Variants in KLHL42 observed in about 807,000 individuals in gnomAD.
KLHL42 encodes the protein kelch like family member 42.
In KLHL42, 27 loss-of-function variants were observed where a neutral mutation model predicts 32.7. That is an observed-to-expected ratio of 0.83 (90% confidence interval 0.61 to 1.14). The LOEUF (loss-of-function observed/expected upper bound fraction) is 1.14, where lower values mean the gene tolerates loss of function less well. Among genes scored for constraint, KLHL42 ranks in the 50% most tolerant of loss-of-function variants. The pLI is 0.00. For synonymous variants in KLHL42, 267 were observed against 248.2 expected (o/e 1.08, Z -0.71); for missense variants, 491 against 560.8 (o/e 0.88, Z 1.26).
intron 1 of KLHL42, among the ~76,000 whole-genome samples, chr12:27,782,126 A>G (rs775372979): frequency 5.3e-5 from 8 of 152,164 alleles, no homozygotes; most frequent in African/African-American, 1.2e-4. Context: ...TTCCATCTCA[A>G]TCCTCACAGG....
At position 27,791,734 on chromosome 12, in the gene KLHL42, A is replaced by G. The variant is rs774533595; in HGVS notation, c.899A>G (p.Asn300Ser). 2.6e-5 allele frequency: 42 copies of G among 1,614,062 alleles called. No homozygotes were observed. Among genetic ancestry groups the G allele is most frequent in the Non-Finnish European group, 3.5e-5 (41 of 1,180,006 alleles). ...TCTAACTTCAAACTTGTGGCTGTTA[A>G]TTCAAAACTCTATGCCATCGGAGGG... Reference protein sequence around the residue: ...KRSNFKLVAVNSKLYAIGGQA... With the variant: ...KRSNFKLVAVSSKLYAIGGQA... Residue 300 changes from asparagine to serine, a missense_variant, in exon 2 of 3, where the codon AAT (asparagine) becomes AGT (serine). Physicochemically the swap from Asn to Ser is conservative, Grantham distance 46 (BLOSUM62 1). Around this residue, in one of 4 missense-constraint regions of KLHL42, gnomAD observed 248 missense variants for 329.2 expected, o/e 0.75. Coordinates refer to ENST00000381271, the MANE Select transcript of KLHL42 (RefSeq NM_020782.2).
At chr12:27,787,419 C>T (rs137867364) in intron 1 of KLHL42, among the ~76,000 whole-genome samples, 467 of 150,072 alleles carry the variant, frequency 3.1e-3, no homozygotes, top group African/African-American at 9.9e-3. Flanking sequence ...CGCTTGAAAC[C>T]GGGATGGGGA....
Position 27,799,274 on chromosome 12 carries a change from C to T in KLHL42, c.*1108C>T, listed in dbSNP as rs1265711265. 1 of 152,086 alleles carries T rather than the reference C, an allele frequency of 6.6e-6. No individual in the cohort carries two copies. Among genetic ancestry groups the T allele is most frequent in the Admixed American group, 6.6e-5 (1 of 15,262 alleles). 9.4% of individuals were successfully genotyped at this position (152,086 alleles called of 1,614,324 possible). ...GAAGTTAGGTAAAGTGCTTTACTTG[C>T]CTTGGTTGTTAATTGAAATAGAATT... On this transcript the variant is annotated 3_prime_UTR_variant, in exon 3 of 3. Coordinates refer to ENST00000381271, the MANE Select transcript of KLHL42 (RefSeq NM_020782.2).
chr12:27,780,415 T>TACTTCCGCGCCC lies in KLHL42; in HGVS notation c.86_97dup (p.Ala32_Leu33insHisPheArgAla). ...GAGGAAGCTCATCGAGCAGAGCGAC[T>TACTTCCGCGCCC]ACTTCCGCGCCCTCTACCGCTCCGG... is the stretch of plus-strand genomic sequence containing the variant. On this transcript the variant is annotated inframe_insertion, in exon 1 of 3. Transcript: ENST00000381271. This position sits in a 1 kb window ranked among gnomAD's most constrained non-coding sequence, Gnocchi z 8.8. 1 of 1,559,956 alleles carries TACTTCCGCGCCC rather than the reference T, an allele frequency of 6.4e-7. No individual in the cohort carries two copies. The highest frequency in any genetic ancestry group is 8.7e-7 in the Non-Finnish European group (1 of 1,154,418).
Position 27,781,213 on chromosome 12 carries a change from C to T in KLHL42, c.872+11C>T. 2 of 1,612,390 alleles carry T rather than the reference C, an allele frequency of 1.2e-6. No individual in the cohort carries two copies. On this transcript the variant is annotated intron_variant, in intron 1 of 2. Coordinates refer to ENST00000381271, the MANE Select transcript of KLHL42 (RefSeq NM_020782.2). Reference sequence around the variant, plus strand: ...CATGAACCAGAAGAGGTAAGCACCCCGGCAGAGTGCTGCTGCCTTCTCATT... The same window carrying T: ...CATGAACCAGAAGAGGTAAGCACCCTGGCAGAGTGCTGCTGCCTTCTCATT...
intron 1 of KLHL42, among the ~76,000 whole-genome samples, chr12:27,789,183 C>T (rs1029390895): frequency 6.6e-6 from 1 of 152,218 alleles, no homozygotes; most frequent in Non-Finnish European, 1.5e-5. Flanking sequence ...CTTATCTCTG[C>T]AAGTGCTGTC....
chr12:27,800,451 G>T lies in KLHL42; in HGVS notation c.*2285G>T. ...TATTCTGGGCTGCCAGCAGTACGTG[G>T]GAAAGGTGGAATGTGCAATAGGAAC... On this transcript the variant is annotated 3_prime_UTR_variant, in exon 3 of 3. Transcript: ENST00000381271. The T allele has an allele frequency of 1.2e-6, 1 of 832,998 alleles. No individual in the cohort carries two copies. The highest frequency in any genetic ancestry group is 1.4e-6 in the Non-Finnish European group (1 of 691,010). 51.6% of individuals were successfully genotyped at this position (832,998 alleles called of 1,614,324 possible). A position where few individuals can be genotyped will look rare whatever the true frequency, so the allele number is the denominator to read the frequency against.
chr12:27,794,545 G>A lies in KLHL42; in HGVS notation c.1066+2644G>A, dbSNP rs533780573. 1.2e-3 allele frequency among the ~76,000 whole-genome samples: 180 copies of A among 152,242 alleles called. 1 individual carries two copies. The highest frequency in any genetic ancestry group is 5.9e-4 in the Admixed American group (9 of 15,298). ...CTCACTCTATTGCCCAGGAAATAGT[G>A]TAGTGGCACAGTCATAGCTCATTGC... On this transcript the variant is annotated intron_variant, in intron 2 of 2. Transcript: ENST00000381271.
intron 1 of KLHL42, among the ~76,000 whole-genome samples, chr12:27,790,406 G>A (rs2062191358): frequency 6.6e-6 from 1 of 152,166 alleles, no homozygotes; most frequent in Non-Finnish European, 1.5e-5. Flanking sequence ...TCTGATTTGT[G>A]CTCAGGTTTT....
intron 1 of KLHL42, among the ~76,000 whole-genome samples, chr12:27,782,375 A>C (rs940994099): frequency 6.6e-6 from 1 of 152,138 alleles, no homozygotes; most frequent in Non-Finnish European, 1.5e-5. Flanking sequence ...AATGGAAAAG[A>C]ATGAAGAAGC....
At chr12:27,793,007 C>G (rs2062203889) in intron 2 of KLHL42, among the ~76,000 whole-genome samples, 1 of 152,176 alleles carries the variant, frequency 6.6e-6, no homozygotes, top group Admixed American at 6.5e-5. Context: ...GCCTTGGCCT[C>G]TCAAAGTGCT....
At chr12:27,783,661 A>G (rs1035399029) in intron 1 of KLHL42, among the ~76,000 whole-genome samples, 1 of 151,812 alleles carries the variant, frequency 6.6e-6, no homozygotes, top group Non-Finnish European at 1.5e-5. Flanking sequence ...GGCTCACTGC[A>G]AGCTCCGCCT....
At chr12:27,796,226 A>G (rs182149084) in intron 2 of KLHL42, among the ~76,000 whole-genome samples, 36 of 152,322 alleles carry the variant, frequency 2.4e-4, no homozygotes, top group Admixed American at 1.7e-3. Context: ...TTCAGTTTGT[A>G]TCAGATGTGG....
At chr12:27,781,292 G>T (rs2062147206) in intron 1 of KLHL42, 90 bp downstream of exon 1, 1 of 1,391,862 alleles carries the variant, frequency 7.2e-7, no homozygotes, top group Non-Finnish European at 9.8e-7. Context: ...CAGTAAATAG[G>T]GGAGGGTGTG....
rs531098254 is a variant in KLHL42, at chr12:27,792,636, G to A, written c.1066+735G>A. 9.9e-5 allele frequency among the ~76,000 whole-genome samples: 15 copies of A among 152,266 alleles called. No individual in the cohort carries two copies. In the East Asian group the frequency reaches 1.5e-3, roughly 16 times the overall value. ...CCTCCTGGGTTCAAGCAGTCCTCCT[G>A]CCTCAGCCCCCCAAGTAGCTGGGAT... On this transcript the variant is annotated intron_variant, in intron 2 of 2. Coordinates refer to ENST00000381271, the MANE Select transcript of KLHL42 (RefSeq NM_020782.2).
chr12:27,793,285 G>A (rs1330609545), intron 2 of KLHL42, among the ~76,000 whole-genome samples: 2 of 151,840 alleles, frequency 1.3e-5, no homozygotes, highest in African/African-American at 4.8e-5. Flanking sequence ...TGTACCTGTA[G>A]TCCCAGTTGC....
Position 27,798,229 on chromosome 12 carries a change from T to G in KLHL42, c.*63T>G. 1 of 708,434 alleles carries G rather than the reference T, an allele frequency of 1.4e-6. No individual in the cohort carries two copies. Among genetic ancestry groups the G allele is most frequent in the East Asian group, 2.4e-5 (1 of 40,852 alleles). 43.9% of individuals were successfully genotyped at this position (708,434 alleles called of 1,614,324 possible). ...GTTTTTTTTAAAATGTGGTGTCCCATTCCAAGGGAGACCAATTCCTAAAGG... is the reference window on the plus strand; with the variant it reads ...GTTTTTTTTAAAATGTGGTGTCCCAGTCCAAGGGAGACCAATTCCTAAAGG... On this transcript the variant is annotated 3_prime_UTR_variant, in exon 3 of 3. Coordinates refer to ENST00000381271, the MANE Select transcript of KLHL42 (RefSeq NM_020782.2).
At position 27,799,927 on chromosome 12, in the gene KLHL42, A is replaced by G; in HGVS notation, c.*1761A>G. On this transcript the variant is annotated 3_prime_UTR_variant, in exon 3 of 3. Transcript: ENST00000381271. ...CCAAATATTAAGCCCTTAAAAAAAT[A>G]AAACCTCTGAACCAAAATCTTCCCA... 1 of 870,358 alleles carries G rather than the reference A, an allele frequency of 1.1e-6. No homozygotes were observed. Among genetic ancestry groups the G allele is most frequent in the Non-Finnish European group, 1.4e-6 (1 of 725,016 alleles). The allele number at this position is 870,358 out of a possible 1,614,324, so 53.9% of individuals were successfully genotyped here. A position where few individuals can be genotyped will look rare whatever the true frequency, so the allele number is the denominator to read the frequency against.
Position 27,797,839 on chromosome 12 carries a change from G to C in KLHL42, c.1191G>C (p.Gly397=). Residue 397 remains glycine (G), a synonymous_variant, in exon 3 of 3, where the codon GGG becomes GGC. Transcript: ENST00000381271. Reference sequence around the variant, plus strand: ...TGGAAGAGACCATCTACATCGTGGGGGGGTGTCTCCACGAGCTGGGGCCCA... The same window carrying C: ...TGGAAGAGACCATCTACATCGTGGGCGGGTGTCTCCACGAGCTGGGGCCCA... ...VSVEETIYIV[G]GCLHELGPNR... is the part of the protein sequence containing the mutation. The C allele has an allele frequency of 1.3e-6, 1 of 779,392 alleles. No individual in the cohort carries two copies. 48.3% of individuals were successfully genotyped at this position (779,392 alleles called of 1,614,324 possible).
Sources: allele counts gnomAD v4.1 joint callset (sites outside exome capture counted in the v4.1 genomes callset), GRCh38; gene constraint gnomAD v4.1.1; regional missense constraint gnomAD v4.1.1; non-coding constraint Gnocchi (gnomAD v3.1); transcripts MANE v1.5; gene names NCBI Gene and HGNC (gene_info 2026-07-23, HGNC 2026-07-21).